Variants in SP140L observed in about 807,000 individuals in gnomAD.
SP140L encodes SP140 like nuclear body protein, also known as nuclear body protein SP140-like protein.
SP140L carries 64 observed loss-of-function variants against 84.3 expected under a neutral mutation model. That is an observed-to-expected ratio of 0.76 (90% CI 0.62 to 0.94). The LOEUF (loss-of-function observed/expected upper bound fraction) is 0.94. Among genes scored for constraint, SP140L ranks in the 40% least tolerant of loss-of-function variants. The pLI is 0.00. For synonymous variants in SP140L, 242 were observed against 236.9 expected (o/e 1.02, Z -0.20); for missense variants, 628 against 692.5 (o/e 0.91, Z 1.05).
At chr2:230,356,933 G>A (rs973375231) in intron 2 of SP140L, among the ~76,000 whole-genome samples, 8 of 151,820 alleles carry the variant, frequency 5.3e-5, no homozygotes, top group Non-Finnish European at 7.4e-5. Flanking sequence ...ACAATAATGC[G>A]ACATTGTTTC....
At chr2:230,343,154 T>C (rs2060110478) in intron 2 of SP140L, among the ~76,000 whole-genome samples, 1 of 149,032 alleles carries the variant, frequency 6.7e-6, no homozygotes, top group Non-Finnish European at 1.5e-5. Flanking sequence ...TAGGTAAACA[T>C]GTGCCATGGT....
At chr2:230,344,594 A>T (rs577172967) in intron 2 of SP140L, among the ~76,000 whole-genome samples, 97 of 152,272 alleles carry the variant, frequency 6.4e-4, no homozygotes, top group African/African-American at 2.3e-3. Flanking sequence ...AGACTAGTTT[A>T]TGTGGTTGCT....
chr2:230,360,940 A>C (rs185536356), intron 4 of SP140L, among the ~76,000 whole-genome samples: 60 of 152,094 alleles, frequency 3.9e-4, no homozygotes, highest in Non-Finnish European at 4.6e-4. Flanking sequence ...TTTCTCTTTT[A>C]GTTTTTATTT....
chr2:230,330,303 C>T (rs1188639313), intron 2 of SP140L, among the ~76,000 whole-genome samples: 2 of 152,174 alleles, frequency 1.3e-5, no homozygotes, highest in Non-Finnish European at 2.9e-5. Context: ...TTATTGTGAA[C>T]CAGGTGGCCA....
At chr2:230,375,452 T>C (rs1056182216) in intron 7 of SP140L, among the ~76,000 whole-genome samples, 1 of 151,064 alleles carries the variant, frequency 6.6e-6, no homozygotes, top group Non-Finnish European at 1.5e-5. Flanking sequence ...CTATTTTTAA[T>C]TTTTGGAGAA....
At chr2:230,362,625 G>A (rs1236193880) in intron 5 of SP140L, among the ~76,000 whole-genome samples, 3 of 152,032 alleles carry the variant, frequency 2.0e-5, no homozygotes, top group Non-Finnish European at 4.4e-5. Flanking sequence ...TTGATTAAAC[G>A]TCTATTCTAT....
chr2:230,328,755 AG>A lies in SP140L; in HGVS notation c.36del, dbSNP rs2059647141. On this transcript the variant is annotated splice_acceptor_variant, in intron 1 of 18. Transcript: ENST00000415673. LOFTEE classifies it high-confidence loss of function. Reference sequence around the variant, plus strand: ...ATAGATCCTGCCAAATTGTCTTTTTAGGGGGCTGAACGGAGGTGTTTCACAA... The same window carrying A: ...ATAGATCCTGCCAAATTGTCTTTTTAGGGGCTGAACGGAGGTGTTTCACAA... 6.2e-7 allele frequency: 1 copy of A among 1,611,266 alleles called. No individual in the cohort carries two copies. The highest frequency in any genetic ancestry group is 8.5e-7 in the Non-Finnish European group (1 of 1,178,684).
At chr2:230,401,235 A>T (rs990576543) in intron 16 of SP140L, 131 bp from the exon 17 acceptor site, 6 of 1,348,760 alleles carry the variant, frequency 4.4e-6, no homozygotes, top group Non-Finnish European at 6.1e-6. Flanking sequence ...CAGCCATGAC[A>T]TGTCTGTTTC....
intron 3 of SP140L, among the ~76,000 whole-genome samples, chr2:230,358,334 A>T (rs2060611961): frequency 6.6e-6 from 1 of 152,222 alleles, no homozygotes; most frequent in African/African-American, 2.4e-5. Flanking sequence ...ATTAAAACCC[A>T]CAGGGAATTG....
intron 12 of SP140L, 54 bp from the exon 13 acceptor site, chr2:230,393,360 C>T (rs1169263639): frequency 8.5e-6 from 13 of 1,532,768 alleles, no homozygotes; most frequent in Non-Finnish European, 1.1e-5. Context: ...AAATGCCAGA[C>T]TCACAAAACA....
intron 12 of SP140L, among the ~76,000 whole-genome samples, chr2:230,392,986 G>A (rs1375294051): frequency 2.0e-5 from 3 of 151,914 alleles, no homozygotes; most frequent in Non-Finnish European, 2.9e-5. Flanking sequence ...AGTGCTTTTT[G>A]TCTGCAGACC....
At chr2:230,351,784 C>A (rs1203160571) in intron 2 of SP140L, among the ~76,000 whole-genome samples, 1 of 151,610 alleles carries the variant, frequency 6.6e-6, no homozygotes, top group East Asian at 1.9e-4. Context: ...GTAGTTAGAT[C>A]TATAGGTGCA....
At chr2:230,385,939 G>A (rs910877507) in intron 9 of SP140L, among the ~76,000 whole-genome samples, 1 of 152,202 alleles carries the variant, frequency 6.6e-6, no homozygotes, top group Non-Finnish European at 1.5e-5. Context: ...GTGAGAGAAA[G>A]GGGTGAGATC....
At chr2:230,354,885 G>GAAAGAAAGAAAGAAAGAAAGAA (rs1247953230) in intron 2 of SP140L, among the ~76,000 whole-genome samples, 1 of 124,408 alleles carries the variant, frequency 8.0e-6, no homozygotes, top group Non-Finnish European at 1.8e-5. Flanking sequence ...AAGAAAGAAA[G>GAAAGAAAGAAAGAAAGAAAGAA]AAAGAAAGAA....
At chr2:230,369,207 C>T (rs905410362) in intron 5 of SP140L, among the ~76,000 whole-genome samples, 1 of 152,184 alleles carries the variant, frequency 6.6e-6, no homozygotes, top group Non-Finnish European at 1.5e-5. Context: ...GTGGGCAGGT[C>T]TATGCTGGGG....
At chr2:230,330,860 G>A (rs2059706125) in intron 2 of SP140L, among the ~76,000 whole-genome samples, 1 of 152,192 alleles carries the variant, frequency 6.6e-6, no homozygotes, top group Non-Finnish European at 1.5e-5. Flanking sequence ...TGAGTAGTGT[G>A]ATGAAATCTC....
chr2:230,389,487 C>T (rs528384236), intron 10 of SP140L, among the ~76,000 whole-genome samples: 13 of 152,056 alleles, frequency 8.5e-5, no homozygotes, highest in Non-Finnish European at 1.9e-4. Flanking sequence ...TCATCATTAG[C>T]CTCTCCCTCC....
intron 7 of SP140L, among the ~76,000 whole-genome samples, chr2:230,376,916 G>A (rs1467584427): frequency 6.6e-6 from 1 of 152,050 alleles, no homozygotes; most frequent in Non-Finnish European, 1.5e-5. Context: ...ACTCATGAAT[G>A]TATGTTCAAG....
At chr2:230,388,506 A>G (rs2061677711) in intron 9 of SP140L, 53 bp from the exon 10 acceptor site, 2 of 1,472,058 alleles carry the variant, frequency 1.4e-6, no homozygotes, top group Non-Finnish European at 1.8e-6. Flanking sequence ...GCAGCAATAT[A>G]TGTAACACAG....
Sources: gnomAD v4.1 joint callset for allele counts (sites outside exome capture counted in the v4.1 genomes callset) on GRCh38, gnomAD v4.1.1 for gene constraint, MANE v1.5 for transcripts, NCBI Gene and HGNC (gene_info 2026-07-23, HGNC 2026-07-21) for gene names.